The following ZNF423 variants were observed in gnomAD, a reference collection of about 807,000 sequenced individuals.
The protein encoded by ZNF423 is Ebf-associated zinc finger protein.
Under a neutral mutation model 95.8 loss-of-function variants are expected in ZNF423, and 12 were observed. The ratio of observed to expected loss-of-function variants is 0.13; its 90% CI spans 0.08 to 0.20. ZNF423 has a LOEUF of 0.20. ZNF423 is among the 10% of genes least tolerant of loss of function. The pLI is 1.00. For missense variants in ZNF423, 1,316 were observed against 1,737.1 expected, an observed-to-expected ratio of 0.76 and a Z score of 4.31; for synonymous variants, 749 against 711.9, an observed-to-expected ratio of 1.05 and a Z score of -0.83.
intron 2 of ZNF423, among the ~76,000 whole-genome samples, chr16:49,786,757 A>G (rs1479008678): frequency 6.6e-6 from 1 of 152,180 alleles, no homozygotes; most frequent in Non-Finnish European, 1.5e-5. Context: ...TCACTACTGT[A>G]CAGCTCCAAG....
rs772307020 is a variant in ZNF423, at chr16:49,730,906, C to A, written c.166G>T (p.Val56Leu). ...TSRALEDRNS[V>L]TSQEERNEDD... is the part of the protein sequence containing the mutation. ...TCATTTCTCTCCTCTTGACTTGTCA[C>A]GCTGTTCCTGTCTTCCAGCGCACGG... Residue 56 changes from valine (V) to leucine (L), a missense_variant, in exon 3 of 8, where the codon GTG (valine) becomes TTG (leucine). By Grantham distance (32) the Val-to-Leu change is conservative. This residue lies in a region of ZNF423 where 155 missense variants were observed against 170.8 expected (regional missense o/e 0.91). Transcript: ENST00000563137. The A allele has an allele frequency of 6.2e-7, 1 of 1,614,110 alleles. No individual in the cohort carries two copies. Among genetic ancestry groups the A allele is most frequent in the Non-Finnish European group, 8.5e-7 (1 of 1,180,050 alleles).
At chr16:49,838,790 C>A (rs916100677) in intron 1 of ZNF423, among the ~76,000 whole-genome samples, 1 of 151,832 alleles carries the variant, frequency 6.6e-6, no homozygotes, top group Non-Finnish European at 1.5e-5. Flanking sequence ...GCCTTCCCAG[C>A]CGGCCCCCCG....
chr16:49,655,774 G>C (rs1026200688), intron 3 of ZNF423, among the ~76,000 whole-genome samples: 4 of 152,154 alleles, frequency 2.6e-5, no homozygotes, highest in African/African-American at 9.7e-5. Flanking sequence ...CCACAGGAGG[G>C]GAGTGTGGAA....
rs190889362 is a variant in ZNF423, at chr16:49,582,873, C to T, written c.3601+43297G>A. Among the ~76,000 whole-genome samples, 683 of 152,350 alleles carry T rather than the reference C, an allele frequency of 4.5e-3. 23 individuals are homozygous for T. The highest frequency in any genetic ancestry group is 0.039 in the Admixed American group (602 of 15,312). Reference sequence around the variant, plus strand: ...GGAATGAATGCTATCACAGGATAAACCACTATCACCAAAGATCAGTTTTAT... The same window carrying T: ...GGAATGAATGCTATCACAGGATAAATCACTATCACCAAAGATCAGTTTTAT... On this transcript the variant is annotated intron_variant, in intron 5 of 7. Transcript: ENST00000563137.
intron 5 of ZNF423, among the ~76,000 whole-genome samples, chr16:49,556,520 A>C (rs1045287245): frequency 1.3e-5 from 2 of 152,160 alleles, no homozygotes; most frequent in Non-Finnish European, 2.9e-5. Context: ...AGTACTTTGC[A>C]CAGAGAGGAA....
At chr16:49,587,675 T>A (rs1035190639) in intron 5 of ZNF423, among the ~76,000 whole-genome samples, 2 of 151,862 alleles carry the variant, frequency 1.3e-5, no homozygotes, top group East Asian at 3.9e-4. Context: ...TAAGGAGTAG[T>A]CAACAGGGTC....
intron 3 of ZNF423, among the ~76,000 whole-genome samples, chr16:49,727,162 G>A (rs141196875): frequency 1.1e-4 from 16 of 152,334 alleles, no homozygotes; most frequent in African/African-American, 2.2e-4. Flanking sequence ...AAATGAGAGC[G>A]AGAGGGAGAG....
chr16:49,773,414 G>T (rs575290203), intron 2 of ZNF423, among the ~76,000 whole-genome samples: 3 of 152,284 alleles, frequency 2.0e-5, no homozygotes, highest in Admixed American at 6.5e-5. Context: ...CTGCCCTCAT[G>T]ATTCAATTAT....
intron 3 of ZNF423, among the ~76,000 whole-genome samples, chr16:49,669,377 C>T (rs2030702157): frequency 6.6e-6 from 1 of 152,016 alleles, no homozygotes; most frequent in African/African-American, 2.4e-5. Context: ...AAAAAAAATC[C>T]ATCTCATCTC....
chr16:49,789,978 A>G (rs1292933339), intron 1 of ZNF423, among the ~76,000 whole-genome samples: 1 of 152,158 alleles, frequency 6.6e-6, no homozygotes, highest in African/African-American at 2.4e-5. Flanking sequence ...TCATGAGCTG[A>G]CAACATCAGA....
At chr16:49,708,447 C>T (rs368962736) in intron 3 of ZNF423, among the ~76,000 whole-genome samples, 2 of 152,050 alleles carry the variant, frequency 1.3e-5, no homozygotes, top group South Asian at 2.1e-4. Context: ...CCACCATGTC[C>T]AGCTAATTTT....
chr16:49,752,740 C>T (rs2033655529), intron 2 of ZNF423, among the ~76,000 whole-genome samples: 1 of 152,226 alleles, frequency 6.6e-6, no homozygotes, highest in East Asian at 1.9e-4. Flanking sequence ...AATTACTTAA[C>T]CTCTCTGAAC....
intron 1 of ZNF423, among the ~76,000 whole-genome samples, chr16:49,816,477 C>T (rs2034857829): frequency 6.6e-6 from 1 of 152,128 alleles, no homozygotes; most frequent in Admixed American, 6.6e-5. Flanking sequence ...CAGTGCTCTC[C>T]CTGGATATTC....
At chr16:49,615,987 G>A (rs947785505) in intron 5 of ZNF423, among the ~76,000 whole-genome samples, 5 of 152,092 alleles carry the variant, frequency 3.3e-5, no homozygotes, top group African/African-American at 1.2e-4. Context: ...CCCAGGACCC[G>A]CCCTTCTCTT....
intron 5 of ZNF423, among the ~76,000 whole-genome samples, chr16:49,589,006 G>A (rs1266297043): frequency 1.3e-5 from 2 of 152,228 alleles, no homozygotes; most frequent in African/African-American, 4.8e-5. Flanking sequence ...GCAGCAATGT[G>A]CTTGGATGCA....
chr16:49,698,817 C>T (rs1274596036), intron 3 of ZNF423, among the ~76,000 whole-genome samples: 1 of 152,240 alleles, frequency 6.6e-6, no homozygotes, highest in African/African-American at 2.4e-5. Context: ...ATCATTAAAA[C>T]TCCAACCTTC....
chr16:49,575,875 C>T (rs528233407), intron 5 of ZNF423, among the ~76,000 whole-genome samples: 3 of 152,156 alleles, frequency 2.0e-5, no homozygotes, highest in Admixed American at 2.0e-4. Context: ...TTGGAGGAGC[C>T]TGAAGGAGGC....
At chr16:49,685,091 C>T (rs1013206550) in intron 3 of ZNF423, among the ~76,000 whole-genome samples, 2 of 152,112 alleles carry the variant, frequency 1.3e-5, no homozygotes, top group Non-Finnish European at 2.9e-5. Flanking sequence ...CCATAACAAG[C>T]GGGCATCCGG....
At chr16:49,630,948 C>G (rs1220577809) in intron 4 of ZNF423, among the ~76,000 whole-genome samples, 4 of 152,100 alleles carry the variant, frequency 2.6e-5, no homozygotes, top group Non-Finnish European at 5.9e-5. Flanking sequence ...TGTGCAAGCA[C>G]ACGTATGCAT....
Sources: allele counts gnomAD v4.1 joint callset (sites outside exome capture counted in the v4.1 genomes callset), GRCh38; gene constraint gnomAD v4.1.1; regional missense constraint gnomAD v4.1.1; transcripts MANE v1.5; gene names NCBI Gene and HGNC (gene_info 2026-07-23, HGNC 2026-07-21).